Variants in PRSS21 observed in about 807,000 individuals in gnomAD.
PRSS21 encodes serine protease 21, also known as testisin.
In PRSS21, 40 loss-of-function variants were observed where a neutral mutation model predicts 31.1. That is an observed-to-expected ratio of 1.29 (90% CI 1.00 to 1.68). The LOEUF (loss-of-function observed/expected upper bound fraction) is 1.68. Ranked by LOEUF, PRSS21 falls within the 40% of genes most tolerant of loss-of-function variation. PRSS21 has a pLI of 0.00. For synonymous variants in PRSS21, 186 were observed against 167.7 expected (o/e 1.11, Z -0.84); for missense variants, 467 against 412.6 (o/e 1.13, Z -1.14).
Position 2,820,967 on chromosome 16 carries a change from C to T in PRSS21, c.563C>T (p.Pro188Leu). Residue 188 changes from proline (P) to leucine (L), a missense_variant, in exon 5 of 6, where the codon CCC becomes CTC. Physicochemically the swap from Pro to Leu is moderately conservative, Grantham distance 98. Transcript: ENST00000005995. ...ATCGTCCGCACAGCACTGCCATCTCCCCACACCCTCCAGGAAGTTCAGGTC... is the reference window on the plus strand; with the variant it reads ...ATCGTCCGCACAGCACTGCCATCTCTCCACACCCTCCAGGAAGTTCAGGTC... ...YIKEDEALPS[P>L]HTLQEVQVAI... 1 of 1,613,726 alleles carries T rather than the reference C, an allele frequency of 6.2e-7. No homozygotes were observed. The highest frequency in any genetic ancestry group is 8.5e-7 in the Non-Finnish European group (1 of 1,179,986).
intron 5 of PRSS21, 112 bp downstream of exon 5, chr16:2,821,221 T>C (rs971171161): frequency 2.0e-5 from 31 of 1,539,702 alleles, no homozygotes; most frequent in Non-Finnish European, 2.7e-5. Flanking sequence ...ACTCTGCAGA[T>C]GCAGAAACGG....
chr16:2,817,761 G>T lies in PRSS21; in HGVS notation c.92-40G>T, dbSNP rs547150834. The T allele has an allele frequency of 7.2e-6, 11 of 1,538,310 alleles. No individual in the cohort carries two copies. The highest frequency in any genetic ancestry group is 2.7e-5 in the African/African-American group (2 of 72,868). On this transcript the variant is annotated intron_variant, in intron 2 of 5. Coordinates refer to ENST00000005995, the MANE Select transcript of PRSS21 (RefSeq NM_006799.4). This position sits in a 1 kb window ranked among gnomAD's most constrained non-coding sequence, Gnocchi z 4.2. ...GAAAGGGAGAGGTCGGGCTTGGGGG[G>T]CTGCCTCCCGCGGCTCAGCAGTTCC...
intron 3 of PRSS21, 78 bp from the exon 4 acceptor site, chr16:2,818,599 C>G (rs1314114098): frequency 7.0e-7 from 1 of 1,429,272 alleles, no homozygotes; most frequent in Non-Finnish European, 9.7e-7. Flanking sequence ...AGTTTCCCCT[C>G]CTGCACTGGA....
rs1424422349 is a variant in PRSS21, at chr16:2,818,688, T to G, written c.269T>G (p.Leu90Arg). The change falls in exon 4 of 6, where the codon CTT becomes CGT. Residue 90 changes from leucine (L) to arginine (R), a missense_variant. Transcript: ENST00000005995. ...TTCTCTTCTGCCAGCTATAGTGACC[T>G]TAGTGATCCCTCCGGGTGGATGGTC... ...AAHCFETYSD[L>R]SDPSGWMVQF... is the part of the protein sequence containing the mutation. 10 of 1,613,990 alleles carry G rather than the reference T, an allele frequency of 6.2e-6. No individual in the cohort carries two copies. In the Admixed American group the frequency reaches 1.3e-4, roughly 22 times the overall value.
chr16:2,817,330 C>G lies in PRSS21; in HGVS notation c.62C>G (p.Pro21Arg), dbSNP rs764310879. The change falls in exon 1 of 6, where the codon CCG (proline) becomes CGG (arginine). Residue 21 changes from proline to arginine, a missense_variant and splice_region_variant. Physicochemically the swap from Pro to Arg is moderately radical, Grantham distance 103. Transcript: ENST00000005995. The surrounding 1 kb of genome is among the most constrained non-coding windows in gnomAD (Gnocchi z 4.2). ...CTGGCTCGGGCTGGACTCAGGAAGC[C>G]GGGTGAGCTCGGGGCGCTGCTGGCG... ...LLLARAGLRKPESQEAAPLSG... is the reference protein window; with the variant it reads ...LLLARAGLRKRESQEAAPLSG... 13 of 1,550,800 alleles carry G rather than the reference C, an allele frequency of 8.4e-6. No individual in the cohort carries two copies. In the African/African-American group the frequency reaches 1.2e-4, roughly 15 times the overall value.
chr16:2,818,565 G>A (rs1038463541), intron 3 of PRSS21, 112 bp from the exon 4 acceptor site: 4 of 1,118,316 alleles, frequency 3.6e-6, no homozygotes, highest in Non-Finnish European at 5.1e-6. Context: ...GACCCTGGGT[G>A]TTAGCAAGTA....
Position 2,820,999 on chromosome 16 carries a change from A to T in PRSS21, c.595A>T (p.Ile199Leu), listed in dbSNP as rs745516856. Residue 199 changes from isoleucine (I) to leucine (L), a missense_variant, in exon 5 of 6, where the codon ATA becomes TTA. Ile to Leu is a conservative substitution (Grantham distance 5, BLOSUM62 2). Coordinates refer to ENST00000005995, the MANE Select transcript of PRSS21 (RefSeq NM_006799.4). ...CCTCCAGGAAGTTCAGGTCGCCATC[A>T]TAAACAACTCTATGTGCAACCACCT... ...HTLQEVQVAI[I>L]NNSMCNHLFL... is the part of the protein sequence containing the mutation. 1.5e-5 allele frequency: 24 copies of T among 1,613,988 alleles called. No homozygotes were observed. Among genetic ancestry groups the T allele is most frequent in the Non-Finnish European group, 8.5e-7 (1 of 1,180,004 alleles).
chr16:2,821,231 G>A, intron 5 of PRSS21, 122 bp downstream of exon 5: 1 of 1,538,822 alleles, frequency 6.5e-7, no homozygotes, highest in Non-Finnish European at 8.9e-7. Context: ...TGCAGAAACG[G>A]AGGCTTGGCT....
intron 4 of PRSS21, among the ~76,000 whole-genome samples, chr16:2,820,012 T>A (rs1181814890): frequency 6.6e-6 from 1 of 152,174 alleles, no homozygotes; most frequent in Non-Finnish European, 1.5e-5. Context: ...AGGCTGCCTC[T>A]GCCACCCTCT....
Position 2,821,463 on chromosome 16 carries a change from C to T in PRSS21, c.803C>T (p.Pro268Leu), listed in dbSNP as rs775797902. Residue 268 changes from proline to leucine, a missense_variant, in exon 6 of 6, where the codon CCC (proline) becomes CTC (leucine). Pro to Leu is a moderately conservative substitution (Grantham distance 98, BLOSUM62 -3). Coordinates refer to ENST00000005995, the MANE Select transcript of PRSS21 (RefSeq NM_006799.4). ...GTGGGCTGTGGTCGGCCCAATCGGC[C>T]CGGTGTCTACACCAATATCAGCCAC... ...WGVGCGRPNRPGVYTNISHHF... is the reference protein window; with the variant it reads ...WGVGCGRPNRLGVYTNISHHF... 5.0e-6 allele frequency: 8 copies of T among 1,614,212 alleles called. No individual in the cohort carries two copies. The highest frequency in any genetic ancestry group is 6.8e-6 in the Non-Finnish European group (8 of 1,180,030).
chr16:2,817,551 T>A lies in PRSS21; in HGVS notation c.91+95T>A. ...GTAGAGGGGGGCCTTTACTGCTCTC[T>A]CGCCCCCGCCCCCGGGATCGAGAAC... is the stretch of plus-strand genomic sequence containing the variant. On this transcript the variant is annotated intron_variant, in intron 2 of 5. Coordinates refer to ENST00000005995, the MANE Select transcript of PRSS21 (RefSeq NM_006799.4). This position sits in a 1 kb window ranked among gnomAD's most constrained non-coding sequence, Gnocchi z 4.2. 1 of 1,419,128 alleles carries A rather than the reference T, an allele frequency of 7.0e-7. No individual in the cohort carries two copies. The highest frequency in any genetic ancestry group is 9.4e-7 in the Non-Finnish European group (1 of 1,068,956). The allele number at this position is 1,419,128 out of a possible 1,614,324, so 87.9% of individuals were successfully genotyped here.
intron 4 of PRSS21, among the ~76,000 whole-genome samples, chr16:2,820,356 T>A (rs561852257): frequency 1.3e-5 from 2 of 152,354 alleles, no homozygotes; most frequent in African/African-American, 4.8e-5. Context: ...AGGTGCTGGC[T>A]GGCACTCTGA....
chr16:2,817,577 T>G lies in PRSS21; in HGVS notation c.91+121T>G. The stretch of plus-strand genomic sequence containing the variant: ...CGCCCCCGCCCCCGGGATCGAGAAC[T>G]CTGTTGGCGTGGAAAGTAACTAACG... On this transcript the variant is annotated intron_variant, in intron 2 of 5. Transcript: ENST00000005995. This position sits in a 1 kb window ranked among gnomAD's most constrained non-coding sequence, Gnocchi z 4.2. 1 of 1,410,922 alleles carries G rather than the reference T, an allele frequency of 7.1e-7. No homozygotes were observed. The highest frequency in any genetic ancestry group is 9.4e-7 in the Non-Finnish European group (1 of 1,063,492). 87.4% of individuals were successfully genotyped at this position (1,410,922 alleles called of 1,614,324 possible).
chr16:2,817,514 GGCGGTGA>G lies in PRSS21; in HGVS notation c.91+60_91+66del. ...GGCCGTTGGGCCGAGGTGGACGGGG[GGCGGTGA>G]GGGGGTAGAGGGGGGCCTTTACTGC... On this transcript the variant is annotated intron_variant, in intron 2 of 5. Coordinates refer to ENST00000005995, the MANE Select transcript of PRSS21 (RefSeq NM_006799.4). This position sits in a 1 kb window ranked among gnomAD's most constrained non-coding sequence, Gnocchi z 4.2. The G allele has an allele frequency of 7.3e-7, 1 of 1,369,790 alleles. No individual in the cohort carries two copies. Among genetic ancestry groups the G allele is most frequent in the Non-Finnish European group, 9.8e-7 (1 of 1,023,976 alleles). The allele number at this position is 1,369,790 out of a possible 1,614,324, so 84.9% of individuals were successfully genotyped here. A position where few individuals can be genotyped will look rare whatever the true frequency, so the allele number is the denominator to read the frequency against.
chr16:2,817,937 G>A lies in PRSS21; in HGVS notation c.228G>A (p.Trp76Ter), dbSNP rs2069107482. ...GAGTGAGCCTGCTCAGCCACCGCTGGGCACTCACGGCGGCGCACTGCTTTG... is the reference window on the plus strand; with the variant it reads ...GAGTGAGCCTGCTCAGCCACCGCTGAGCACTCACGGCGGCGCACTGCTTTG... Reference protein sequence around the residue: ...VCGVSLLSHRWALTAAHCFET... With the variant: ...VCGVSLLSHR Residue 76 changes from tryptophan to a stop codon, truncating the protein, a stop_gained, in exon 3 of 6, where the codon TGG becomes TGA. Coordinates refer to ENST00000005995, the MANE Select transcript of PRSS21 (RefSeq NM_006799.4). LOFTEE classifies it high-confidence loss of function. The surrounding 1 kb of genome is among the most constrained non-coding windows in gnomAD (Gnocchi z 4.2). 6.5e-7 allele frequency: 1 copy of A among 1,549,434 alleles called. No individual in the cohort carries two copies. The highest frequency in any genetic ancestry group is 1.2e-5 in the South Asian group (1 of 84,038).
intron 5 of PRSS21, 63 bp from the exon 6 acceptor site, chr16:2,821,303 C>T (rs1447885461): frequency 3.1e-6 from 5 of 1,594,770 alleles, no homozygotes; most frequent in South Asian, 1.1e-5. Flanking sequence ...CCTTCCCACT[C>T]TCAGCCCCTC....
In PRSS21 at chr16:2,821,047, A is replaced by G; in HGVS notation, c.643A>G (p.Lys215Glu). Residue 215 changes from lysine to glutamate, a missense_variant, in exon 5 of 6, where the codon AAG becomes GAG. Physicochemically the swap from Lys to Glu is moderately conservative, Grantham distance 56 (BLOSUM62 1). Coordinates refer to ENST00000005995, the MANE Select transcript of PRSS21 (RefSeq NM_006799.4). ...NHLFLKYSFR[K>E]DIFGDMVCAG... Reference sequence around the variant, plus strand: ...CCTCTTCCTCAAGTACAGTTTCCGCAAGGACATCTTTGGAGACATGGTTTG... The same window carrying G: ...CCTCTTCCTCAAGTACAGTTTCCGCGAGGACATCTTTGGAGACATGGTTTG... The G allele has an allele frequency of 1.2e-6, 2 of 1,614,160 alleles. No homozygotes were observed. The highest frequency in any genetic ancestry group is 1.7e-6 in the Non-Finnish European group (2 of 1,180,020).
Position 2,821,476 on chromosome 16 carries a change from C to A in PRSS21, c.816C>A (p.Thr272=), listed in dbSNP as rs1295521922. 1 of 1,614,226 alleles carries A rather than the reference C, an allele frequency of 6.2e-7. No homozygotes were observed. Among genetic ancestry groups the A allele is most frequent in the South Asian group, 1.1e-5 (1 of 91,084 alleles). ...GGCCCAATCGGCCCGGTGTCTACAC[C>A]AATATCAGCCACCACTTTGAGTGGA... The part of the protein sequence containing the change: ...CGRPNRPGVY[T]NISHHFEWIQ... Residue 272 remains threonine (T), a synonymous_variant, in exon 6 of 6, where the codon ACC becomes ACA. Coordinates refer to ENST00000005995, the MANE Select transcript of PRSS21 (RefSeq NM_006799.4).
Position 2,817,427 on chromosome 16 carries a change from C to A in PRSS21, c.65-3C>A, listed in dbSNP as rs755530479. 1 of 1,594,160 alleles carries A rather than the reference C, an allele frequency of 6.3e-7. No homozygotes were observed. Among genetic ancestry groups the A allele is most frequent in the Admixed American group, 1.7e-5 (1 of 59,290 alleles). On this transcript the variant is annotated splice_polypyrimidine_tract_variant and splice_region_variant and intron_variant, in intron 1 of 5. Coordinates refer to ENST00000005995, the MANE Select transcript of PRSS21 (RefSeq NM_006799.4). The surrounding 1 kb of genome is among the most constrained non-coding windows in gnomAD (Gnocchi z 4.2). ...GCGGGGAGTCACTTCTTGTCTCCCGCAGAGTCGCAGGAGGCGGCGCCGTTA... is the reference window on the plus strand; with the variant it reads ...GCGGGGAGTCACTTCTTGTCTCCCGAAGAGTCGCAGGAGGCGGCGCCGTTA...
Sources: allele counts gnomAD v4.1 joint callset (sites outside exome capture counted in the v4.1 genomes callset), GRCh38; gene constraint gnomAD v4.1.1; non-coding constraint Gnocchi (gnomAD v3.1); transcripts MANE v1.5; gene names NCBI Gene and HGNC (gene_info 2026-07-23, HGNC 2026-07-21).